NLK: variants seen among roughly 807,000 people sequenced by gnomAD.
NLK encodes nemo like kinase, also known as serine/threonine-protein kinase NLK.
A neutral mutation model predicts 59.0 loss-of-function variants in NLK; 11 were observed. The observed-to-expected ratio is 0.19, with a 90% CI of 0.12 to 0.31. NLK has a LOEUF of 0.31. NLK is among the 10% of genes least tolerant of loss of function. The probability of loss-of-function intolerance (pLI) is 1.00; values close to 1 mark genes in which losing one functional copy is unlikely to be tolerated. For missense variants in NLK, 410 were observed against 661.1 expected (o/e 0.62, Z 4.16); for synonymous variants, 235 against 235.9 (o/e 1.00, Z 0.03).
intron 1 of NLK, among the ~76,000 whole-genome samples, chr17:28,120,734 G>GA (rs1233959727): frequency 2.6e-5 from 4 of 151,662 alleles, no homozygotes; most frequent in African/African-American, 7.3e-5. Flanking sequence ...CCATGTTAAG[G>GA]AAAAAAAATA....
chr17:28,086,822 T>C (rs1186823134), intron 1 of NLK, among the ~76,000 whole-genome samples: 1 of 151,536 alleles, frequency 6.6e-6, no homozygotes, highest in Non-Finnish European at 1.5e-5. Context: ...AGACTAGAAT[T>C]TCGAGACCAG....
chr17:28,134,611 C>G (rs1363395980), intron 3 of NLK, among the ~76,000 whole-genome samples: 1 of 152,144 alleles, frequency 6.6e-6, no homozygotes, highest in African/African-American at 2.4e-5. Context: ...GAACCAATCC[C>G]CCTTGGATAC....
intron 4 of NLK, 71 bp from the exon 5 acceptor site, chr17:28,163,472 A>C (rs1908097282): frequency 1.1e-6 from 1 of 884,438 alleles, no homozygotes; most frequent in African/African-American, 1.7e-5. Flanking sequence ...TTTTCTTCCA[A>C]GGTTTTTTTT....
In NLK at chr17:28,112,588, T is replaced by C. The variant is rs921299848; in HGVS notation, c.459-10015T>C. 4.7e-4 allele frequency among the ~76,000 whole-genome samples: 71 copies of C among 152,344 alleles called. 1 individual carries two copies. Among genetic ancestry groups the C allele is most frequent in the African/African-American group, 1.6e-3 (68 of 41,584 alleles). On this transcript the variant is annotated intron_variant, in intron 1 of 10. Coordinates refer to ENST00000407008, the MANE Select transcript of NLK (RefSeq NM_016231.5). Reference sequence around the variant, plus strand: ...CTTTTGTCTAGTTTTATAGTTGTTTTGAGGGGAAAGGATTTGCTGACCTCT... The same window carrying C: ...CTTTTGTCTAGTTTTATAGTTGTTTCGAGGGGAAAGGATTTGCTGACCTCT...
chr17:28,080,548 A>G (rs2142765682), intron 1 of NLK, among the ~76,000 whole-genome samples: 1 of 152,270 alleles, frequency 6.6e-6, no homozygotes, highest in Middle Eastern at 3.4e-3. Flanking sequence ...GGCTAGGGGA[A>G]ATTGTGGTTA....
chr17:28,145,087 T>C (rs1907189810), intron 3 of NLK, among the ~76,000 whole-genome samples: 1 of 152,196 alleles, frequency 6.6e-6, no homozygotes, highest in South Asian at 2.1e-4. Flanking sequence ...GTTTAAAAAT[T>C]ACACGTTTAA....
At chr17:28,131,495 C>T (rs1906513464) in intron 2 of NLK, among the ~76,000 whole-genome samples, 1 of 141,362 alleles carries the variant, frequency 7.1e-6, no homozygotes, top group Non-Finnish European at 1.5e-5. Context: ...TAAGAATGTT[C>T]ATGTGTGTGA....
At chr17:28,070,306 T>C (rs1485108641) in intron 1 of NLK, among the ~76,000 whole-genome samples, 1 of 152,040 alleles carries the variant, frequency 6.6e-6, no homozygotes, top group Non-Finnish European at 1.5e-5. Flanking sequence ...TTCTGGAAGT[T>C]TTAAGGTTTT....
chr17:28,181,570 TAA>T (rs1013996311), intron 7 of NLK, among the ~76,000 whole-genome samples: 234 of 134,554 alleles, frequency 1.7e-3, no homozygotes, highest in African/African-American at 4.9e-3. Context: ...CTCTGTCTCT[TAA>T]AAAAAAAAAA....
At chr17:28,157,919 A>G (rs1465491340) in intron 3 of NLK, among the ~76,000 whole-genome samples, 1 of 152,230 alleles carries the variant, frequency 6.6e-6, no homozygotes, top group Non-Finnish European at 1.5e-5. Flanking sequence ...TCAAATATTT[A>G]TAGGGACCTA....
the NLK span, among the ~76,000 whole-genome samples, chr17:28,202,675 T>C: frequency 6.8e-6 from 1 of 147,750 alleles, no homozygotes; most frequent in Non-Finnish European, 1.5e-5. Flanking sequence ...GTCATTTCTT[T>C]TTCTTTTTTT....
chr17:28,062,617 A>G (rs867949466), intron 1 of NLK, among the ~76,000 whole-genome samples: 10 of 152,132 alleles, frequency 6.6e-5, no homozygotes, highest in Middle Eastern at 3.2e-3. Flanking sequence ...GTCTCATTCT[A>G]TTGCCCAGGC....
At chr17:28,186,184 T>C (rs1166307872) in intron 8 of NLK, among the ~76,000 whole-genome samples, 2 of 152,202 alleles carry the variant, frequency 1.3e-5, no homozygotes, top group African/African-American at 2.4e-5. Flanking sequence ...ACCAAAGTTA[T>C]TAAGTTTACA....
intron 1 of NLK, among the ~76,000 whole-genome samples, chr17:28,061,190 A>C (rs574121362): frequency 5.3e-5 from 8 of 152,304 alleles, no homozygotes; most frequent in African/African-American, 1.9e-4. Flanking sequence ...CAAGTTGCTG[A>C]GAGTTGGAGG....
chr17:28,045,340 T>C lies in NLK; in HGVS notation c.458+2009T>C, dbSNP rs578160622. Among the ~76,000 whole-genome samples, 11 of 152,350 alleles carry C rather than the reference T, an allele frequency of 7.2e-5. No individual in the cohort carries two copies. In the East Asian group the frequency reaches 2.1e-3, roughly 29 times the overall value. On this transcript the variant is annotated intron_variant, in intron 1 of 10. Coordinates refer to ENST00000407008, the MANE Select transcript of NLK (RefSeq NM_016231.5). ...TGCTTTGGCATCTTTGCTGCTTGGT[T>C]AATTGATCTAGTCAGGTCCTTCTTT...
chr17:28,186,667 A>G (rs1182066205), intron 8 of NLK, among the ~76,000 whole-genome samples: 1 of 152,128 alleles, frequency 6.6e-6, no homozygotes, highest in Non-Finnish European at 1.5e-5. Context: ...GTGCAGGGAA[A>G]CACCCCTTTT....
intron 1 of NLK, among the ~76,000 whole-genome samples, chr17:28,074,162 A>C (rs1192023744): frequency 6.6e-6 from 1 of 152,244 alleles, no homozygotes; most frequent in Non-Finnish European, 1.5e-5. Context: ...TACAATCTCC[A>C]GATGGGCTGG....
At chr17:28,202,672 CTTTTTCTTT>C in the NLK span, among the ~76,000 whole-genome samples, 1 of 147,708 alleles carries the variant, frequency 6.8e-6, no homozygotes, top group African/African-American at 2.5e-5. Flanking sequence ...AGTGTCATTT[CTTTTTCTTT>C]TTTTTCTTTT....
chr17:28,118,075 A>G lies in NLK; in HGVS notation c.459-4528A>G, dbSNP rs545994867. ...AGGTAACAAATAGGATACATTTCCT[A>G]GACTTGTTTGTTGTCAAAAATTTTG... On this transcript the variant is annotated intron_variant, in intron 1 of 10. Transcript: ENST00000407008. Among the ~76,000 whole-genome samples the G allele has an allele frequency of 1.2e-4, 18 of 152,330 alleles. 1 individual carries two copies. The South Asian group carries it at 3.7e-3, about 32-fold the overall frequency.
Sources: allele counts gnomAD v4.1 joint callset (sites outside exome capture counted in the v4.1 genomes callset), GRCh38; gene constraint gnomAD v4.1.1; transcripts MANE v1.5; gene names NCBI Gene and HGNC (gene_info 2026-07-23, HGNC 2026-07-21).